Variants in CENPO observed in about 807,000 individuals in gnomAD.
CENPO encodes the protein centromeric protein O.
Under a neutral mutation model 36.1 loss-of-function variants are expected in CENPO, and 30 were observed. That is an observed-to-expected ratio of 0.83 (90% CI 0.62 to 1.13). CENPO has a LOEUF of 1.13. CENPO is among the 50% of genes most tolerant of loss of function. The pLI, the probability that CENPO is intolerant of heterozygous loss-of-function variation, is 0.00. For synonymous variants in CENPO, 171 were observed against 142.3 expected (o/e 1.20, Z -1.44); for missense variants, 349 against 357.8 (o/e 0.98, Z 0.20).
At chr2:24,799,594 C>T in intron 2 of CENPO, 81 bp from the exon 3 acceptor site, 1 of 1,097,120 alleles carries the variant, frequency 9.1e-7, no homozygotes, top group Non-Finnish European at 1.3e-6. Context: ...AAAGAGTCAC[C>T]TGTTCTTCCC....
intron 3 of CENPO, among the ~76,000 whole-genome samples, chr2:24,804,014 T>A (rs981027635): frequency 2.0e-5 from 3 of 152,226 alleles, no homozygotes; most frequent in African/African-American, 7.2e-5. Flanking sequence ...TGGGTGCTCC[T>A]GTATTGGGTG....
intron 2 of CENPO, among the ~76,000 whole-genome samples, 194 bp downstream of exon 2, chr2:24,794,159 T>C (rs544947701): frequency 1.3e-5 from 2 of 152,320 alleles, no homozygotes; most frequent in Admixed American, 1.3e-4. Context: ...GTTTCTAGGC[T>C]CCCACCCCTT....
intron 4 of CENPO, 127 bp downstream of exon 4, chr2:24,814,620 T>TCA (rs10618594): frequency 2.3e-3 from 1,266 of 543,450 alleles, no homozygotes; most frequent in South Asian, 5.3e-3. Context: ...CCCTCATCAC[T>TCA]CACACACACA....
intron 1 of CENPO, 126 bp from the exon 2 acceptor site, chr2:24,793,726 G>A: frequency 1.0e-6 from 1 of 961,922 alleles, no homozygotes; most frequent in Non-Finnish European, 1.6e-6. Flanking sequence ...CTCAGGAAAG[G>A]GGATCCTAGC....
At chr2:24,796,882 C>T (rs11125785) in intron 2 of CENPO, among the ~76,000 whole-genome samples, 2 of 151,676 alleles carry the variant, frequency 1.3e-5, no homozygotes, top group African/African-American at 4.9e-5. Context: ...TCAGTAAAGA[C>T]GCTGGGCGGG....
chr2:24,819,946 C>T lies in CENPO; in HGVS notation c.*628C>T, dbSNP rs753421229. 34 of 1,613,838 alleles carry T rather than the reference C, an allele frequency of 2.1e-5. No homozygotes were observed. The highest frequency in any genetic ancestry group is 2.8e-5 in the Non-Finnish European group (33 of 1,179,920). On this transcript the variant is annotated 3_prime_UTR_variant, in exon 8 of 8. Coordinates refer to ENST00000380834, the MANE Select transcript of CENPO (RefSeq NM_001322101.2). The stretch of plus-strand genomic sequence containing the variant: ...CTCGAGGCCATTCAGGAGTTGTCCA[C>T]CACCTGGTGGGGCAGTGTGACAGAG...
chr2:24,816,569 G>A lies in CENPO; in HGVS notation c.595-77G>A, dbSNP rs1666945880. 7.0e-6 allele frequency: 7 copies of A among 998,354 alleles called. No individual in the cohort carries two copies. In the South Asian group the frequency reaches 1.1e-4, roughly 15 times the overall value. The allele number at this position is 998,354 out of a possible 1,614,324, so 61.8% of individuals were successfully genotyped here. On this transcript the variant is annotated intron_variant, in intron 5 of 7. Coordinates refer to ENST00000380834, the MANE Select transcript of CENPO (RefSeq NM_001322101.2). The stretch of plus-strand genomic sequence containing the variant: ...ATCGATGGGCCTCTTTTTGGTTGAC[G>A]TAATTGAAGGGTCAGTAAACACCAC...
Position 24,821,486 on chromosome 2 carries a change from G to C in CENPO, c.*2168G>C. 6.2e-7 allele frequency: 1 copy of C among 1,611,264 alleles called. No homozygotes were observed. Among genetic ancestry groups the C allele is most frequent in the Non-Finnish European group, 8.5e-7 (1 of 1,178,380 alleles). Reference sequence around the variant, plus strand: ...AGGCCCCTGCATGGGAAGGGAGCCTGCTGCGGGGCAGGCCAGCTGGGGGTG... The same window carrying C: ...AGGCCCCTGCATGGGAAGGGAGCCTCCTGCGGGGCAGGCCAGCTGGGGGTG... On this transcript the variant is annotated 3_prime_UTR_variant, in exon 8 of 8. Transcript: ENST00000380834.
At chr2:24,807,716 TTTTGAAAGTGA>T (rs1343235437) in intron 3 of CENPO, among the ~76,000 whole-genome samples, 1 of 152,230 alleles carries the variant, frequency 6.6e-6, no homozygotes, top group Non-Finnish European at 1.5e-5. Flanking sequence ...TTCTGGCAGT[TTTTGAAAGTGA>T]TTGTACCAGT....
At position 24,819,730 on chromosome 2, in the gene CENPO, T is replaced by TA. The variant is rs1361427740; in HGVS notation, c.*413dup. 1 of 589,554 alleles carries TA rather than the reference T, an allele frequency of 1.7e-6. No homozygotes were observed. Among genetic ancestry groups the TA allele is most frequent in the Admixed American group, 3.2e-5 (1 of 31,206 alleles). The allele number at this position is 589,554 out of a possible 1,614,324, so 36.5% of individuals were successfully genotyped here. On this transcript the variant is annotated 3_prime_UTR_variant, in exon 8 of 8. Coordinates refer to ENST00000380834, the MANE Select transcript of CENPO (RefSeq NM_001322101.2). ...TGTTCAGCCCTATGCCTAAGACCCC[T>TA]ATGCTGGGGACACTACAGGCACACA...
chr2:24,818,480 G>GTGTT (rs3037271), intron 7 of CENPO, among the ~76,000 whole-genome samples: 1 of 151,804 alleles, frequency 6.6e-6, no homozygotes, highest in African/African-American at 2.4e-5. Context: ...AAGTTCTTCA[G>GTGTT]TGTTTGTTTG....
intron 2 of CENPO, among the ~76,000 whole-genome samples, chr2:24,796,653 TA>T (rs1665921047): frequency 1.3e-5 from 2 of 152,040 alleles, no homozygotes; most frequent in Admixed American, 1.3e-4. Flanking sequence ...TCTCTTTATT[TA>T]AAAAACAAAA....
In CENPO at chr2:24,821,520, T is replaced by C; in HGVS notation, c.*2202T>C. ...CAGGCCAGCTGGGGGTGCTCACCTATGCGCAGCATGAAGTTATTGAAGGAC... is the reference window on the plus strand; with the variant it reads ...CAGGCCAGCTGGGGGTGCTCACCTACGCGCAGCATGAAGTTATTGAAGGAC... On this transcript the variant is annotated 3_prime_UTR_variant, in exon 8 of 8. Coordinates refer to ENST00000380834, the MANE Select transcript of CENPO (RefSeq NM_001322101.2). 2 of 1,614,052 alleles carry C rather than the reference T, an allele frequency of 1.2e-6. No homozygotes were observed. Among genetic ancestry groups the C allele is most frequent in the Non-Finnish European group, 1.7e-6 (2 of 1,179,962 alleles).
Position 24,793,979 on chromosome 2 carries a change from C to A in CENPO, c.46+14C>A, listed in dbSNP as rs750271582. 1 of 1,588,604 alleles carries A rather than the reference C, an allele frequency of 6.3e-7. No homozygotes were observed. Among genetic ancestry groups the A allele is most frequent in the Non-Finnish European group, 8.6e-7 (1 of 1,156,750 alleles). On this transcript the variant is annotated intron_variant, in intron 2 of 7. Transcript: ENST00000380834. Reference sequence around the variant, plus strand: ...AGTCCAAAGGAGGTATTCAGAGGGTCGCCGCCTCCTTCCTGCTGCTGCCCA... The same window carrying A: ...AGTCCAAAGGAGGTATTCAGAGGGTAGCCGCCTCCTTCCTGCTGCTGCCCA...
In CENPO at chr2:24,815,637, A is replaced by G; in HGVS notation, c.475A>G (p.Ile159Val). Residue 159 changes from isoleucine (I) to valine (V), a missense_variant, in exon 5 of 8, where the codon ATT becomes GTT. Ile to Val is a conservative substitution (Grantham distance 29, BLOSUM62 3). Coordinates refer to ENST00000380834, the MANE Select transcript of CENPO (RefSeq NM_001322101.2). ...ACATCACCATTCAGTCCCAGTCTTCATTCCCCTGGAAGAGATAGCTGCAAA... is the reference window on the plus strand; with the variant it reads ...ACATCACCATTCAGTCCCAGTCTTCGTTCCCCTGGAAGAGATAGCTGCAAA... The part of the protein sequence containing the change: ...RIHHHSVPVF[I>V]PLEEIAAKYL... The G allele has an allele frequency of 6.2e-7, 1 of 1,614,182 alleles. No homozygotes were observed. The highest frequency in any genetic ancestry group is 2.2e-5 in the East Asian group (1 of 44,884).
In CENPO at chr2:24,820,872, G is replaced by GCACAGC. The variant is rs756954197; in HGVS notation, c.*1560_*1565dup. On this transcript the variant is annotated 3_prime_UTR_variant, in exon 8 of 8. Transcript: ENST00000380834. The stretch of plus-strand genomic sequence containing the variant: ...GCCTAGGGTAGAGGCATAAAGTTCA[G>GCACAGC]CACAGCCACAGGCCACACCTTGTTA... The GCACAGC allele has an allele frequency of 6.2e-7, 1 of 1,612,452 alleles. No individual in the cohort carries two copies.
intron 3 of CENPO, among the ~76,000 whole-genome samples, chr2:24,808,312 G>A (rs1424141838): frequency 1.3e-5 from 2 of 152,272 alleles, no homozygotes; most frequent in East Asian, 3.9e-4. Context: ...GGGTTCAAGA[G>A]ATTCTTCTGC....
Position 24,799,666 on chromosome 2 carries a change from T to A in CENPO, c.47-9T>A. On this transcript the variant is annotated splice_polypyrimidine_tract_variant and intron_variant, in intron 2 of 7. Transcript: ENST00000380834. ...GCTTCTTGTAAAATTCTCCTTTTACTCTCCTTAGGTGTTTTAGCTCACTTG... is the reference window on the plus strand; with the variant it reads ...GCTTCTTGTAAAATTCTCCTTTTACACTCCTTAGGTGTTTTAGCTCACTTG... 6.3e-7 allele frequency: 1 copy of A among 1,581,862 alleles called. No homozygotes were observed. The highest frequency in any genetic ancestry group is 8.6e-7 in the Non-Finnish European group (1 of 1,161,092).
Position 24,820,947 on chromosome 2 carries a change from A to G in CENPO, c.*1629A>G. Reference sequence around the variant, plus strand: ...CCAGACCTGTACCACAAAGCTCCTAATGTAACACATCATTGTCCTCATTCA... The same window carrying G: ...CCAGACCTGTACCACAAAGCTCCTAGTGTAACACATCATTGTCCTCATTCA... On this transcript the variant is annotated 3_prime_UTR_variant, in exon 8 of 8. Coordinates refer to ENST00000380834, the MANE Select transcript of CENPO (RefSeq NM_001322101.2). The G allele has an allele frequency of 1.3e-6, 2 of 1,486,808 alleles. No homozygotes were observed. The highest frequency in any genetic ancestry group is 2.3e-5 in the East Asian group (1 of 43,408). 92.1% of individuals were successfully genotyped at this position (1,486,808 alleles called of 1,614,324 possible).
Sources: gnomAD v4.1 joint callset for allele counts (sites outside exome capture counted in the v4.1 genomes callset) on GRCh38, gnomAD v4.1.1 for gene constraint, MANE v1.5 for transcripts, NCBI Gene and HGNC (gene_info 2026-07-23, HGNC 2026-07-21) for gene names.